Variants in RNFT2 observed in about 807,000 individuals in gnomAD.
RNFT2 encodes the protein ring finger protein, transmembrane 2.
In RNFT2, 36 loss-of-function variants were observed where a neutral mutation model predicts 53.0. That is an observed-to-expected ratio of 0.68 (90% CI 0.52 to 0.90). RNFT2 has a LOEUF of 0.90. Ranked by LOEUF, RNFT2 falls within the 40% of genes least tolerant of loss-of-function variation. RNFT2 has a pLI of 0.00. For missense variants in RNFT2, 514 were observed against 585.6 expected, an observed-to-expected ratio of 0.88 and a Z score of 1.26; for synonymous variants, 260 against 253.2, an observed-to-expected ratio of 1.03 and a Z score of -0.26.
At chr12:116,789,086 A>G (rs1592959129) in intron 7 of RNFT2, among the ~76,000 whole-genome samples, 7 of 118,284 alleles carry the variant, frequency 5.9e-5, no homozygotes, top group African/African-American at 2.0e-4. Flanking sequence ...ATGGGAGGAG[A>G]GTGGATGGAT....
At chr12:116,751,722 A>G (rs1872260509) in intron 4 of RNFT2, among the ~76,000 whole-genome samples, 1 of 150,562 alleles carries the variant, frequency 6.6e-6, no homozygotes, top group Non-Finnish European at 1.5e-5. Flanking sequence ...TATTGTTATT[A>G]TTAATCTTAC....
At chr12:116,799,099 C>T (rs76219619) in intron 7 of RNFT2, among the ~76,000 whole-genome samples, 5,901 of 152,260 alleles carry the variant, frequency 0.039, 182 homozygotes, top group African/African-American at 0.076. Context: ...CTTCCAGGCT[C>T]ATTAAGGTTG....
At position 116,852,018 on chromosome 12, in the gene RNFT2, C is replaced by T; in HGVS notation, c.*2570C>T. ...AGGGTAGTGGCATGGAGCACCGTAA[C>T]CATCTGTGCTTCTGTGATCTCTATG... On this transcript the variant is annotated 3_prime_UTR_variant, in exon 11 of 11. Coordinates refer to ENST00000257575, the MANE Select transcript of RNFT2 (RefSeq NM_001382266.1). The T allele has an allele frequency of 7.5e-7, 1 of 1,337,700 alleles. No individual in the cohort carries two copies. Among genetic ancestry groups the T allele is most frequent in the Non-Finnish European group, 1.0e-6 (1 of 1,003,264 alleles). 82.9% of individuals were successfully genotyped at this position (1,337,700 alleles called of 1,614,324 possible).
At chr12:116,801,800 T>G (rs945185707) in intron 7 of RNFT2, among the ~76,000 whole-genome samples, 7 of 139,178 alleles carry the variant, frequency 5.0e-5, no homozygotes, top group South Asian at 2.2e-4. Context: ...TTCTGTGGGG[T>G]TTTTTTTGTT....
At chr12:116,824,157 C>T (rs1876200628) in intron 7 of RNFT2, among the ~76,000 whole-genome samples, 1 of 152,112 alleles carries the variant, frequency 6.6e-6, no homozygotes, top group Non-Finnish European at 1.5e-5. Flanking sequence ...GCCAACCCTC[C>T]CCGTCTCACT....
intron 3 of RNFT2, among the ~76,000 whole-genome samples, chr12:116,744,156 G>A (rs1871780409): frequency 6.6e-6 from 1 of 151,054 alleles, no homozygotes; most frequent in African/African-American, 2.4e-5. Context: ...AACCCTGGAG[G>A]TGGAGGCTGC....
chr12:116,771,940 A>G (rs773251483), intron 6 of RNFT2, among the ~76,000 whole-genome samples: 2 of 152,202 alleles, frequency 1.3e-5, no homozygotes, highest in African/African-American at 2.4e-5. Flanking sequence ...TCCCATGAAC[A>G]TCTCGAACGG....
rs7302953 is a variant in RNFT2, at chr12:116,809,619, A to G, written c.883-24173A>G. On this transcript the variant is annotated intron_variant, in intron 7 of 10. Transcript: ENST00000257575. ...ATCCCGGAGGTCTCTCTGGTTCCTC[A>G]AAGACTGGGCTTCACCCCTGCCCTC... Among the ~76,000 whole-genome samples, 488 of 152,228 alleles carry G rather than the reference A, an allele frequency of 3.2e-3. 2 individuals are homozygous for G. Among genetic ancestry groups the G allele is most frequent in the African/African-American group, 0.011 (470 of 41,532 alleles).
intron 7 of RNFT2, among the ~76,000 whole-genome samples, chr12:116,816,463 C>A (rs566409815): frequency 6.6e-6 from 1 of 152,230 alleles, no homozygotes; most frequent in Non-Finnish European, 1.5e-5. Context: ...CCTCCTCCCC[C>A]TCCTCGCCAG....
At chr12:116,751,460 A>G (rs1449467590) in intron 4 of RNFT2, among the ~76,000 whole-genome samples, 9 of 150,536 alleles carry the variant, frequency 6.0e-5, no homozygotes, top group African/African-American at 2.2e-4. Flanking sequence ...CTGGAGTGCA[A>G]TGGCGCGACC....
chr12:116,826,451 C>G (rs1876344227), intron 7 of RNFT2, among the ~76,000 whole-genome samples: 1 of 152,206 alleles, frequency 6.6e-6, no homozygotes, highest in Admixed American at 6.5e-5. Context: ...CCAGAGAAAC[C>G]ACACATCCCA....
At chr12:116,806,934 T>A (rs1875112538) in intron 7 of RNFT2, among the ~76,000 whole-genome samples, 1 of 152,150 alleles carries the variant, frequency 6.6e-6, no homozygotes, top group Non-Finnish European at 1.5e-5. Context: ...TCTGCTGGGA[T>A]TTTTGCTCCT....
chr12:116,757,798 C>T (rs913047918), intron 5 of RNFT2, among the ~76,000 whole-genome samples: 2 of 152,072 alleles, frequency 1.3e-5, no homozygotes, highest in Admixed American at 6.6e-5. Context: ...GTGTATTCTG[C>T]GGTTGTCAGA....
rs1871718506 is a variant in RNFT2, at chr12:116,743,236, A to AAAAAAAAAAAAAAAAAAAAAAAAAT, written c.83+2150_83+2151insAAAAAAAAAAAAAAAATAAAAAAAA. 1.8e-5 allele frequency among the ~76,000 whole-genome samples: 2 copies of AAAAAAAAAAAAAAAAAAAAAAAAAT among 113,668 alleles called. 1 individual carries two copies. The highest frequency in any genetic ancestry group is 3.8e-5 in the Non-Finnish European group (2 of 52,644). 74.6% of individuals were successfully genotyped at this position (113,668 alleles called of 152,430 possible). On this transcript the variant is annotated intron_variant, in intron 3 of 10. Coordinates refer to ENST00000257575, the MANE Select transcript of RNFT2 (RefSeq NM_001382266.1). ...TCTAAAAAAAAAAAAAAAAAAAAAA[A>AAAAAAAAAAAAAAAAAAAAAAAAAT]AAAAAAAACCGGTTAAAAAACACTC...
intron 7 of RNFT2, among the ~76,000 whole-genome samples, chr12:116,830,102 G>A (rs191793182): frequency 3.3e-5 from 5 of 152,066 alleles, no homozygotes; most frequent in Non-Finnish European, 7.4e-5. Context: ...AAGAAAAGTT[G>A]CAAAAGTAAT....
At chr12:116,750,859 T>TG (rs372543590) in intron 4 of RNFT2, among the ~76,000 whole-genome samples, 94 of 3,114 alleles carry the variant, frequency 0.03, 3 homozygotes, top group African/African-American at 0.037. Flanking sequence ...ATAATATATA[T>TG]TATATATATA....
chr12:116,846,437 A>ATTTTTTTTTTTTTTTTTT (rs35922781), intron 10 of RNFT2, among the ~76,000 whole-genome samples: 6 of 104,378 alleles, frequency 5.7e-5, no homozygotes, highest in South Asian at 3.0e-4. Flanking sequence ...TGCCCAGCTA[A>ATTTTTTTTTTTTTTTTTT]TTTTTTTTTT....
intron 5 of RNFT2, among the ~76,000 whole-genome samples, chr12:116,766,567 C>T (rs1023624076): frequency 7.9e-5 from 12 of 152,190 alleles, no homozygotes; most frequent in Non-Finnish European, 1.3e-4. Flanking sequence ...GAGTCTGCTG[C>T]GAACCATGGT....
At chr12:116,842,192 A>G (rs1327922262) in intron 10 of RNFT2, among the ~76,000 whole-genome samples, 1 of 151,642 alleles carries the variant, frequency 6.6e-6, no homozygotes, top group Non-Finnish European at 1.5e-5. Flanking sequence ...TCTTGTGGCC[A>G]GTAGATACCC....
Sources: allele counts gnomAD v4.1 joint callset (sites outside exome capture counted in the v4.1 genomes callset), GRCh38; gene constraint gnomAD v4.1.1; transcripts MANE v1.5; gene names NCBI Gene and HGNC (gene_info 2026-07-23, HGNC 2026-07-21).